The following ZC3H12B variants were observed in gnomAD, a reference collection of about 807,000 sequenced individuals.
The protein encoded by ZC3H12B is zinc finger CCCH-type containing 12B, also known as probable ribonuclease ZC3H12B.
Under a neutral mutation model 43.9 loss-of-function variants are expected in ZC3H12B, and 7 were observed. The ratio of observed to expected loss-of-function variants is 0.16; its 90% CI spans 0.09 to 0.30. The LOEUF (loss-of-function observed/expected upper bound fraction) is 0.30. Among genes scored for constraint, ZC3H12B ranks in the 10% least tolerant of loss-of-function variants. The probability of loss-of-function intolerance (pLI) is 1.00; values close to 1 mark genes in which losing one functional copy is unlikely to be tolerated. For missense variants in ZC3H12B, 475 were observed against 670.2 expected (o/e 0.71, Z 3.22); for synonymous variants, 222 against 241.7 (o/e 0.92, Z 0.76).
At chrX:65,116,778 A>G in the ZC3H12B span, among the ~76,000 whole-genome samples, 1 of 109,243 alleles carries the variant, frequency 9.2e-6, no homozygotes, top group Non-Finnish European at 1.9e-5. Context: ...AAGTGTTCTC[A>G]TTGTTCAATT....
chrX:65,171,982 G>T, the ZC3H12B span, among the ~76,000 whole-genome samples: 7 of 112,459 alleles, frequency 6.2e-5, no homozygotes, highest in Non-Finnish European at 1.3e-4. Context: ...CCGACCCCTT[G>T]CACTTCCTGG....
At chrX:65,352,080 A>G in the ZC3H12B span, among the ~76,000 whole-genome samples, 3 of 112,448 alleles carry the variant, frequency 2.7e-5, no homozygotes, top group Non-Finnish European at 5.6e-5. Flanking sequence ...ATGTCCATCA[A>G]TAATAGACTG....
chrX:65,193,629 A>G, the ZC3H12B span, among the ~76,000 whole-genome samples: 3 of 110,585 alleles, frequency 2.7e-5, no homozygotes, highest in Non-Finnish European at 5.7e-5. Context: ...TCTTAATTTC[A>G]TTTATTTCTG....
the ZC3H12B span, among the ~76,000 whole-genome samples, chrX:65,281,715 A>C: frequency 8.9e-6 from 1 of 112,539 alleles, no homozygotes; most frequent in African/African-American, 3.2e-5. Flanking sequence ...GAAATGTAAA[A>C]CTGCTAGAAA....
At chrX:65,375,215 AG>A (rs1027494513) in intron 2 of ZC3H12B, among the ~76,000 whole-genome samples, 1 of 112,283 alleles carries the variant, frequency 8.9e-6, no homozygotes, top group Non-Finnish European at 1.9e-5. Context: ...AAAGCAAAAC[AG>A]GACTGAACTC....
At chrX:65,358,411 A>G in the ZC3H12B span, among the ~76,000 whole-genome samples, 167 of 111,832 alleles carry the variant, frequency 1.5e-3, no homozygotes, top group Non-Finnish European at 2.5e-3. Flanking sequence ...CACTTATTCT[A>G]TAATTGACAA....
chrX:65,314,685 C>A, the ZC3H12B span, among the ~76,000 whole-genome samples: 3 of 110,751 alleles, frequency 2.7e-5, no homozygotes, highest in African/African-American at 6.5e-5. Flanking sequence ...GAAATGATAC[C>A]AGAAGAAAAC....
At chrX:65,382,889 C>G (rs888407982) in intron 2 of ZC3H12B, among the ~76,000 whole-genome samples, 7 of 110,978 alleles carry the variant, frequency 6.3e-5, no homozygotes, top group African/African-American at 9.9e-5. Context: ...AGGAATCCAA[C>G]TTACAAGGGA....
At chrX:65,226,155 C>G in the ZC3H12B span, among the ~76,000 whole-genome samples, 5 of 111,853 alleles carry the variant, frequency 4.5e-5, no homozygotes, top group African/African-American at 1.6e-4. Context: ...AAGGGAAGCC[C>G]ATCAGACTAA....
chrX:65,120,797 C>A, the ZC3H12B span, among the ~76,000 whole-genome samples: 8 of 110,902 alleles, frequency 7.2e-5, no homozygotes, highest in African/African-American at 2.6e-4. Context: ...GTCATAGATA[C>A]CTCTTATTAT....
intron 3 of ZC3H12B, among the ~76,000 whole-genome samples, chrX:65,454,741 C>A (rs980742852): frequency 1.8e-5 from 2 of 111,582 alleles, no homozygotes; most frequent in Non-Finnish European, 3.8e-5. Context: ...TAGGGGCAGA[C>A]TGACACCTCA....
At chrX:65,320,134 A>C in the ZC3H12B span, among the ~76,000 whole-genome samples, 2 of 111,336 alleles carry the variant, frequency 1.8e-5, no homozygotes, top group Non-Finnish European at 3.8e-5. Context: ...ACATGATCCT[A>C]TGTCTAGAAA....
intron 3 of ZC3H12B, among the ~76,000 whole-genome samples, chrX:65,401,866 G>A (rs887725850): frequency 8.9e-6 from 1 of 111,958 alleles, no homozygotes; most frequent in Non-Finnish European, 1.9e-5. Context: ...TGAAGGGAAG[G>A]AGCCAGTCTT....
chrX:65,236,624 T>A, the ZC3H12B span, among the ~76,000 whole-genome samples: 1 of 112,113 alleles, frequency 8.9e-6, no homozygotes, highest in African/African-American at 3.2e-5. Context: ...TCTTTGCCCA[T>A]GCCTATTTCC....
At chrX:65,369,025 T>C (rs1354506829) in intron 2 of ZC3H12B, 27 bp downstream of exon 4, 1 of 111,752 alleles carries the variant, frequency 8.9e-6, no homozygotes, top group Non-Finnish European at 1.9e-5. Context: ...TTGTTGTTGT[T>C]GTTGTGTGTG....
the ZC3H12B span, among the ~76,000 whole-genome samples, chrX:65,078,604 GA>G: frequency 8.9e-6 from 1 of 111,891 alleles, no homozygotes; most frequent in Non-Finnish European, 1.9e-5. Context: ...GATTATCATT[GA>G]CCTTAGTGAG....
the ZC3H12B span, among the ~76,000 whole-genome samples, chrX:65,212,670 A>T: frequency 6.8e-5 from 6 of 88,488 alleles, no homozygotes; most frequent in East Asian, 1.7e-3. Flanking sequence ...ATATAAATAT[A>T]TATGATTTAT....
chrX:65,427,433 A>T (rs1336505026), intron 3 of ZC3H12B, among the ~76,000 whole-genome samples: 1 of 110,792 alleles, frequency 9.0e-6, no homozygotes, highest in East Asian at 2.8e-4. Context: ...GGTTCAAGAG[A>T]TTCTTCCACC....
At chrX:65,068,033 T>C in the ZC3H12B span, among the ~76,000 whole-genome samples, 1 of 110,700 alleles carries the variant, frequency 9.0e-6, no homozygotes, top group East Asian at 2.8e-4. Context: ...CATCTATTTG[T>C]GTAATTTCCA....
Sources: allele counts gnomAD v4.1 joint callset (sites outside exome capture counted in the v4.1 genomes callset), GRCh38; gene constraint gnomAD v4.1.1; transcripts MANE v1.5; gene names NCBI Gene and HGNC (gene_info 2026-07-23, HGNC 2026-07-21).